Variants in IFI44L observed in about 807,000 individuals in gnomAD.
IFI44L encodes interferon induced protein 44 like.
In IFI44L, 40 loss-of-function variants were observed where a neutral mutation model predicts 39.3. That is an observed-to-expected ratio of 1.02 (90% CI 0.79 to 1.33). The LOEUF (loss-of-function observed/expected upper bound fraction) is 1.33. Ranked by LOEUF, IFI44L falls within the 40% of genes most tolerant of loss-of-function variation. The probability of loss-of-function intolerance (pLI) is 0.00; values close to 1 mark genes in which losing one functional copy is unlikely to be tolerated. For missense variants in IFI44L, 623 were observed against 549.0 expected, an observed-to-expected ratio of 1.13 and a Z score of -1.35; for synonymous variants, 198 against 182.3, an observed-to-expected ratio of 1.09 and a Z score of -0.69.
intron 6 of IFI44L, among the ~76,000 whole-genome samples, chr1:78,638,570 C>T (rs1382051956): frequency 6.6e-6 from 1 of 151,996 alleles, no homozygotes; most frequent in Non-Finnish European, 1.5e-5. Context: ...TTCACTTGTT[C>T]ATCACTTTGC....
chr1:78,622,633 TAAG>T (rs368593420), intron 1 of IFI44L, among the ~76,000 whole-genome samples: 112 of 152,286 alleles, frequency 7.4e-4, no homozygotes, highest in African/African-American at 2.5e-3. Context: ...TGTGATATGT[TAAG>T]ATTATAATGT....
Position 78,629,912 on chromosome 1 carries a change from G to T in IFI44L, c.720G>T (p.Glu240Asp). Reference sequence around the variant, plus strand: ...GGTCTGATATCACCAGCATAACCGAGCGGGTAAGTTATTTCCCTGAGGATT... The same window carrying T: ...GGTCTGATATCACCAGCATAACCGATCGGGTAAGTTATTTCCCTGAGGATT... ...VVGSDITSIT[E>D]RYRIYSVKDG... Residue 240 changes from glutamate to aspartate, a missense_variant, in exon 4 of 9, where the codon GAG (glutamate) becomes GAT (aspartate). Glu to Asp is a conservative substitution (Grantham distance 45, BLOSUM62 2). Transcript: ENST00000370751. 1 of 1,611,518 alleles carries T rather than the reference G, an allele frequency of 6.2e-7. No homozygotes were observed. The highest frequency in any genetic ancestry group is 1.1e-5 in the South Asian group (1 of 90,780).
At chr1:78,629,029 T>C (rs1286645564) in intron 3 of IFI44L, 30 bp downstream of exon 3, 1 of 1,408,148 alleles carries the variant, frequency 7.1e-7, no homozygotes, top group Non-Finnish European at 1.0e-6. Context: ...TATCTATTAA[T>C]CATTTTATTT....
chr1:78,639,497 T>G (rs1653077349), intron 6 of IFI44L, among the ~76,000 whole-genome samples: 1 of 152,066 alleles, frequency 6.6e-6, no homozygotes, highest in African/African-American at 2.4e-5. Context: ...TGGCTCTAAT[T>G]TGTATTTTCC....
intron 4 of IFI44L, chr1:78,630,166 T>C (rs947894233): frequency 1.1e-5 from 4 of 376,260 alleles, no homozygotes; most frequent in African/African-American, 2.1e-5. Context: ...CAACAAAAAA[T>C]TAAAAACCCT....
At chr1:78,640,119 A>G (rs944692190) in intron 6 of IFI44L, among the ~76,000 whole-genome samples, 2 of 152,138 alleles carry the variant, frequency 1.3e-5, no homozygotes, top group African/African-American at 4.8e-5. Flanking sequence ...TTGGGGTAAG[A>G]CAGAAATGCT....
rs769387930 is a variant in IFI44L at position 78,641,431 on chromosome 1, A to G, written c.1150-4A>G. On this transcript the variant is annotated splice_polypyrimidine_tract_variant and splice_region_variant and intron_variant, in intron 7 of 8. Transcript: ENST00000370751. ...CTTACACTTTTTAAATATACTTTCC[A>G]CAGGTCATGAATGTCCATAAAATGC... 6.2e-7 allele frequency: 1 copy of G among 1,610,980 alleles called. No individual in the cohort carries two copies.
rs1652559626 is a variant in IFI44L at position 78,628,001 on chromosome 1, A to C, written c.86A>C (p.Lys29Thr). ...LGNVSLSLLY[K>T]SSVHGGSIED... Reference sequence around the variant, plus strand: ...AATGTTTCTTTGAGTCTTCTCTATAAGTCTAGTGTTCATGGAGGTAGCATT... The same window carrying C: ...AATGTTTCTTTGAGTCTTCTCTATACGTCTAGTGTTCATGGAGGTAGCATT... Residue 29 changes from lysine (K) to threonine (T), a missense_variant, in exon 2 of 9, where the codon AAG becomes ACG. Coordinates refer to ENST00000370751, the MANE Select transcript of IFI44L (RefSeq NM_006820.4). 6.2e-7 allele frequency: 1 copy of C among 1,613,038 alleles called. No homozygotes were observed. Among genetic ancestry groups the C allele is most frequent in the Non-Finnish European group, 8.5e-7 (1 of 1,179,466 alleles).
intron 4 of IFI44L, among the ~76,000 whole-genome samples, chr1:78,633,962 A>T (rs1652847167): frequency 6.6e-6 from 1 of 152,170 alleles, no homozygotes. Context: ...GAGCATCAAC[A>T]GCAGAATTGA....
chr1:78,640,677 C>G (rs1216415130), intron 6 of IFI44L, among the ~76,000 whole-genome samples: 1 of 152,058 alleles, frequency 6.6e-6, no homozygotes, highest in East Asian at 1.9e-4. Flanking sequence ...ACACAACCCT[C>G]CTCACTTCCT....
rs1646994414 is a variant in IFI44L at position 78,642,123 on chromosome 1, A to C, written c.*314A>C. Reference sequence around the variant, plus strand: ...ATAACACTCTATATAGAGCTATGTGAGTACTAATCACATTGAATAATAGTT... The same window carrying C: ...ATAACACTCTATATAGAGCTATGTGCGTACTAATCACATTGAATAATAGTT... On this transcript the variant is annotated 3_prime_UTR_variant, in exon 9 of 9. Coordinates refer to ENST00000370751, the MANE Select transcript of IFI44L (RefSeq NM_006820.4). 3 of 398,870 alleles carry C rather than the reference A, an allele frequency of 7.5e-6. No homozygotes were observed. In the South Asian group the frequency reaches 1.0e-4, roughly 14 times the overall value. 24.7% of individuals were successfully genotyped at this position (398,870 alleles called of 1,614,324 possible).
In IFI44L at chr1:78,643,905, A is replaced by C. The variant is rs1040322771; in HGVS notation, c.*2096A>C. ...GCTAACAGTCATGCTGTAAGTAGCT[A>C]CAGGGAATTGGCTTAAAGGGCAAGT... is the stretch of plus-strand genomic sequence containing the variant. On this transcript the variant is annotated 3_prime_UTR_variant, in exon 9 of 9. Coordinates refer to ENST00000370751, the MANE Select transcript of IFI44L (RefSeq NM_006820.4). 4 of 152,180 alleles carry C rather than the reference A, an allele frequency of 2.6e-5. No homozygotes were observed. Among genetic ancestry groups the C allele is most frequent in the African/African-American group, 7.2e-5 (3 of 41,456 alleles). 9.4% of individuals were successfully genotyped at this position (152,180 alleles called of 1,614,324 possible). A position where few individuals can be genotyped will look rare whatever the true frequency, so the allele number is the denominator to read the frequency against.
chr1:78,623,216 A>G (rs900542044), intron 1 of IFI44L, among the ~76,000 whole-genome samples: 4 of 152,062 alleles, frequency 2.6e-5, no homozygotes, highest in Non-Finnish European at 4.4e-5. Context: ...TGTTCTGGCT[A>G]GGACATTCAG....
intron 4 of IFI44L, among the ~76,000 whole-genome samples, chr1:78,631,964 A>G (rs527782055): frequency 2.9e-4 from 44 of 152,270 alleles, no homozygotes; most frequent in African/African-American, 1.0e-3. Context: ...TCCTTGATGA[A>G]TAGTAACAGT....
chr1:78,623,396 GTTTT>G (rs71078508), intron 1 of IFI44L, among the ~76,000 whole-genome samples: 2,814 of 121,296 alleles, frequency 0.023, 48 homozygotes, highest in African/African-American at 0.031. Context: ...AGTGTTTTTT[GTTTT>G]TTTTTTTTTT....
chr1:78,626,546 T>C (rs1171207126), intron 1 of IFI44L: 1 of 152,088 alleles, frequency 6.6e-6, no homozygotes, highest in Non-Finnish European at 1.5e-5. Flanking sequence ...ATTTATTTTG[T>C]TTCTGCTATG....
chr1:78,628,468 A>G, intron 2 of IFI44L, 75 bp downstream of exon 2: 2 of 865,052 alleles, frequency 2.3e-6, no homozygotes, highest in Non-Finnish European at 3.6e-6. Flanking sequence ...TAATTGATCT[A>G]CAAGAGCAAG....
chr1:78,634,968 T>C (rs1368486268), intron 4 of IFI44L, among the ~76,000 whole-genome samples: 3 of 150,940 alleles, frequency 2.0e-5, no homozygotes, highest in Admixed American at 6.6e-5. Context: ...ATAAAAAGCA[T>C]GGAGTCAAAA....
rs1570370620 is a variant in IFI44L, at chr1:78,642,071, A to C, written c.*262A>C. ...ATCTTTTTAAACCACTGGAGGAAAAATGAGATATTCTCTAATTTATTCTTC... is the reference window on the plus strand; with the variant it reads ...ATCTTTTTAAACCACTGGAGGAAAACTGAGATATTCTCTAATTTATTCTTC... On this transcript the variant is annotated 3_prime_UTR_variant, in exon 9 of 9. Transcript: ENST00000370751. 8.9e-6 allele frequency: 5 copies of C among 563,984 alleles called. No homozygotes were observed. Among genetic ancestry groups the C allele is most frequent in the Non-Finnish European group, 1.3e-5 (4 of 316,042 alleles). The allele number at this position is 563,984 out of a possible 1,614,324, so 34.9% of individuals were successfully genotyped here.
Sources: gnomAD v4.1 joint callset for allele counts (sites outside exome capture counted in the v4.1 genomes callset) on GRCh38, gnomAD v4.1.1 for gene constraint, MANE v1.5 for transcripts, NCBI Gene and HGNC (gene_info 2026-07-23, HGNC 2026-07-21) for gene names.